SEMA3D: variants seen among roughly 807,000 people sequenced by gnomAD.
The protein encoded by SEMA3D is semaphorin-3D.
SEMA3D carries 84 observed loss-of-function variants against 100.1 expected under a neutral mutation model. The observed-to-expected ratio is 0.84, with a 90% confidence interval of 0.70 to 1.01. SEMA3D has a LOEUF of 1.01. Ranked by LOEUF, SEMA3D falls within the 50% of genes least tolerant of loss-of-function variation. The pLI is 0.00. For missense variants in SEMA3D, 875 were observed against 934.1 expected, an observed-to-expected ratio of 0.94 and a Z score of 0.82; for synonymous variants, 312 against 320.7, an observed-to-expected ratio of 0.97 and a Z score of 0.29.
At chr7:85,168,613 T>C (rs1220832131) in intron 1 of SEMA3D, among the ~76,000 whole-genome samples, 1 of 115,728 alleles carries the variant, frequency 8.6e-6, no homozygotes, top group Non-Finnish European at 1.7e-5. Flanking sequence ...TTGCGGTTTC[T>C]GCAATTTTTT....
chr7:85,245,929 C>T, the SEMA3D span, among the ~76,000 whole-genome samples: 2 of 151,936 alleles, frequency 1.3e-5, no homozygotes, highest in Non-Finnish European at 2.9e-5. Context: ...AAAAGATAAA[C>T]AAGTAAATCT....
chr7:85,036,757 G>T, intron 12 of SEMA3D, 132 bp downstream of exon 12: 1 of 668,612 alleles, frequency 1.5e-6, no homozygotes, highest in Non-Finnish European at 2.4e-6. Context: ...GGATGAAAAT[G>T]CTAATACTTC....
At chr7:85,184,863 T>C (rs1791498535) in intron 1 of SEMA3D, among the ~76,000 whole-genome samples, 1 of 152,188 alleles carries the variant, frequency 6.6e-6, no homozygotes. Context: ...TCTTATCCGC[T>C]GGGGCGAGTC....
chr7:85,021,181 C>T (rs1790245008), intron 13 of SEMA3D, among the ~76,000 whole-genome samples: 1 of 151,646 alleles, frequency 6.6e-6, no homozygotes, highest in South Asian at 2.1e-4. Flanking sequence ...TTTTAAATAA[C>T]TCTGGGATCT....
chr7:85,187,108 T>A (rs903424256), upstream of SEMA3D, among the ~76,000 whole-genome samples: 1 of 151,740 alleles, frequency 6.6e-6, no homozygotes, highest in Non-Finnish European at 1.5e-5. Flanking sequence ...TCCGATCTCC[T>A]CCCCCAGCCC....
intron 12 of SEMA3D, among the ~76,000 whole-genome samples, chr7:85,024,206 C>A (rs1023504500): frequency 4.0e-5 from 6 of 151,890 alleles, no homozygotes; most frequent in Non-Finnish European, 5.9e-5. Context: ...CAATTATAGG[C>A]TGCATGTTTG....
intron 12 of SEMA3D, among the ~76,000 whole-genome samples, chr7:85,032,644 C>G (rs1381463226): frequency 3.9e-5 from 6 of 152,000 alleles, no homozygotes; most frequent in Non-Finnish European, 8.8e-5. Flanking sequence ...AAAAATACCT[C>G]AACATTATTA....
At chr7:85,015,030 C>A (rs6468008) in intron 16 of SEMA3D, 29 bp downstream of exon 16, 3 of 1,573,526 alleles carry the variant, frequency 1.9e-6, no homozygotes, top group Non-Finnish European at 2.6e-6. Flanking sequence ...AGAAAGGAAG[C>A]CTTTATATTA....
chr7:85,167,297 C>T, intron 1 of SEMA3D: 2 of 984,904 alleles, frequency 2.0e-6, no homozygotes, highest in Non-Finnish European at 2.4e-6. Context: ...CCAAGAGTAT[C>T]TGGAAATATG....
Position 85,121,841 on chromosome 7 carries a change from G to T in SEMA3D, c.51C>A (p.His17Gln). Residue 17 changes from histidine to glutamine, a missense_variant, in exon 3 of 19, where the codon CAC becomes CAA. His to Gln is a conservative substitution (Grantham distance 24). Transcript: ENST00000284136. ...TTAGCATCATCAAAGCAGGAAAAAG[G>T]TGAAAATCTTGGCTTCTGGCTTTAA... ...ERLKARSQDF[H>Q]LFPALMMLSM... 1 of 1,606,292 alleles carries T rather than the reference G, an allele frequency of 6.2e-7. No homozygotes were observed. The highest frequency in any genetic ancestry group is 1.3e-5 in the African/African-American group (1 of 74,736).
intron 3 of SEMA3D, among the ~76,000 whole-genome samples, chr7:85,119,041 C>G (rs144447087): frequency 6.6e-6 from 1 of 151,324 alleles, no homozygotes. Flanking sequence ...TACAGAAATA[C>G]AAATCAAAAC....
At chr7:85,025,523 C>A (rs1174944921) in intron 12 of SEMA3D, among the ~76,000 whole-genome samples, 1 of 152,046 alleles carries the variant, frequency 6.6e-6, no homozygotes, top group South Asian at 2.1e-4. Flanking sequence ...TGGTTTTTAT[C>A]CAAAGAGAGA....
At chr7:85,204,600 C>T in the SEMA3D span, among the ~76,000 whole-genome samples, 1 of 151,972 alleles carries the variant, frequency 6.6e-6, no homozygotes, top group South Asian at 2.1e-4. Flanking sequence ...GAACTTACTC[C>T]CTTCCATATT....
At position 85,015,189 on chromosome 7, in the gene SEMA3D, C is replaced by T. The variant is rs1439913040; in HGVS notation, c.1573G>A (p.Gly525Arg). 1 of 1,609,932 alleles carries T rather than the reference C, an allele frequency of 6.2e-7. No homozygotes were observed. Among genetic ancestry groups the T allele is most frequent in the Admixed American group, 1.7e-5 (1 of 59,800 alleles). The change falls in exon 16 of 19, where the codon GGA (glycine) becomes AGA (arginine). Residue 525 changes from glycine (G) to arginine (R), a missense_variant. Gly to Arg is a moderately radical substitution (Grantham distance 125). Transcript: ENST00000284136. Reference sequence around the variant, plus strand: ...CTGTGCAAGGAGAGCTGAACCAATCCATCTCGGGAACCAATGTACAATTGT... The same window carrying T: ...CTGTGCAAGGAGAGCTGAACCAATCTATCTCGGGAACCAATGTACAATTGT... The part of the protein sequence containing the change: ...QQQLYIGSRD[G>R]LVQLSLHRCD...
chr7:85,182,139 G>GA (rs1183054681), intron 1 of SEMA3D, among the ~76,000 whole-genome samples: 1 of 144,996 alleles, frequency 6.9e-6, no homozygotes, highest in Non-Finnish European at 1.6e-5. Context: ...AATTAACATG[G>GA]ACATAGATTG....
chr7:85,248,752 T>C, the SEMA3D span, among the ~76,000 whole-genome samples: 1 of 152,046 alleles, frequency 6.6e-6, no homozygotes, highest in East Asian at 1.9e-4. Flanking sequence ...ATGATTCTAA[T>C]AAATCATATT....
the SEMA3D span, among the ~76,000 whole-genome samples, chr7:85,235,071 A>G: frequency 1.3e-5 from 2 of 152,354 alleles, no homozygotes. Flanking sequence ...GAAGCCATAT[A>G]TAACTGTCCT....
intron 9 of SEMA3D, among the ~76,000 whole-genome samples, chr7:85,048,409 C>T (rs1024411104): frequency 2.6e-5 from 4 of 151,644 alleles, no homozygotes; most frequent in African/African-American, 7.3e-5. Flanking sequence ...GTGGTCTATT[C>T]AGAAGTTTGA....
intron 1 of SEMA3D, among the ~76,000 whole-genome samples, chr7:85,179,101 G>A (rs1334377137): frequency 6.6e-6 from 1 of 152,210 alleles, no homozygotes; most frequent in East Asian, 1.9e-4. Flanking sequence ...TCTGCTGCAG[G>A]AGAAGAGCCC....
Sources: gnomAD v4.1 joint callset for allele counts (sites outside exome capture counted in the v4.1 genomes callset) on GRCh38, gnomAD v4.1.1 for gene constraint, MANE v1.5 for transcripts, NCBI Gene and HGNC (gene_info 2026-07-23, HGNC 2026-07-21) for gene names.